ATXN3: variants seen among roughly 807,000 people sequenced by gnomAD.
ATXN3 encodes ataxin 3.
Under a neutral mutation model 58.2 loss-of-function variants are expected in ATXN3, and 28 were observed. The observed-to-expected ratio is 0.48, with a 90% CI of 0.36 to 0.66. ATXN3 has a LOEUF of 0.66. ATXN3 is among the 30% of genes least tolerant of loss of function. The probability of loss-of-function intolerance (pLI) is 0.00; values close to 1 mark genes in which losing one functional copy is unlikely to be tolerated. For synonymous variants in ATXN3, 113 were observed against 138.5 expected (o/e 0.82, Z 1.29); for missense variants, 321 against 422.1 (o/e 0.76, Z 2.10).
chr14:92,090,788 G>C (rs1215410700), intron 5 of ATXN3, among the ~76,000 whole-genome samples: 1 of 151,958 alleles, frequency 6.6e-6, no homozygotes, highest in African/African-American at 2.4e-5. Flanking sequence ...TAAAAATTCA[G>C]TGCTTACTTT....
At chr14:92,088,859 G>T in intron 5 of ATXN3, 42 bp from the exon 6 acceptor site, 2 of 1,134,822 alleles carry the variant, frequency 1.8e-6, no homozygotes, top group Non-Finnish European at 2.6e-6. Context: ...GTATATTATA[G>T]GTAATAAGGA....
At position 92,061,665 on chromosome 14, in the gene ATXN3, T is replaced by C. The variant is rs763317999; in HGVS notation, c.*2655A>G. On this transcript the variant is annotated 3_prime_UTR_variant, in exon 11 of 11. Transcript: ENST00000644486. ...CTTAGCAGGACAGTTCTTGTGAATT[T>C]AGTTGTTCCTGACTTTCTTGCAGGT... 1 of 152,250 alleles carries C rather than the reference T, an allele frequency of 6.6e-6. No individual in the cohort carries two copies. Among genetic ancestry groups the C allele is most frequent in the South Asian group, 2.1e-4 (1 of 4,838 alleles). 9.4% of individuals were successfully genotyped at this position (152,250 alleles called of 1,614,324 possible).
At chr14:92,083,866 T>G (rs2140817722) in intron 6 of ATXN3, among the ~76,000 whole-genome samples, 1 of 152,308 alleles carries the variant, frequency 6.6e-6, no homozygotes, top group South Asian at 2.1e-4. Flanking sequence ...AGCTGCCAGC[T>G]CAGCTAGAAT....
In ATXN3 at chr14:92,092,607, C is replaced by A. The variant is rs148706413; in HGVS notation, c.387+645G>T. ...TAAATGTAATAATTAACTGACAGAA[C>A]ATAGTCATCACATAAAAACCCACTT... On this transcript the variant is annotated intron_variant, in intron 5 of 10. Coordinates refer to ENST00000644486, the MANE Select transcript of ATXN3 (RefSeq NM_004993.6). Among the ~76,000 whole-genome samples, 18 of 152,194 alleles carry A rather than the reference C, an allele frequency of 1.2e-4. No homozygotes were observed. The East Asian group carries it at 3.5e-3, about 29-fold the overall frequency.
rs2057750483 is a variant in ATXN3 at position 92,061,082 on chromosome 14, G to A, written c.*3238C>T. The A allele has an allele frequency of 6.6e-6, 1 of 152,120 alleles. No homozygotes were observed. The highest frequency in any genetic ancestry group is 1.5e-5 in the Non-Finnish European group (1 of 68,024). The allele number at this position is 152,120 out of a possible 1,614,324, so 9.4% of individuals were successfully genotyped here. A position where few individuals can be genotyped will look rare whatever the true frequency, so the allele number is the denominator to read the frequency against. ...TATCAAAAATTCAGACAATCAAAAT[G>A]TGATTTAGGCTCTGACTGAAATAAA... On this transcript the variant is annotated 3_prime_UTR_variant, in exon 11 of 11. Transcript: ENST00000644486.
intron 1 of ATXN3, among the ~76,000 whole-genome samples, chr14:92,098,323 C>G (rs2065896702): frequency 6.6e-6 from 1 of 152,122 alleles, no homozygotes; most frequent in Non-Finnish European, 1.5e-5. Context: ...CATGGTGGCT[C>G]ACACCTGTAA....
At chr14:92,076,898 C>T (rs1370819149) in intron 9 of ATXN3, among the ~76,000 whole-genome samples, 1 of 146,778 alleles carries the variant, frequency 6.8e-6, no homozygotes, top group Non-Finnish European at 1.5e-5. Flanking sequence ...CGAGATCATG[C>T]CACTACACTC....
chr14:92,087,076 G>A (rs989445920), intron 6 of ATXN3, among the ~76,000 whole-genome samples: 1 of 152,222 alleles, frequency 6.6e-6, no homozygotes, highest in African/African-American at 2.4e-5. Flanking sequence ...CACAAGGAAG[G>A]TGTGTAAGGG....
rs933137703 is a variant in ATXN3 at position 92,103,707 on chromosome 14, G to C, written c.24+2822C>G. ...TCAGGCACTGCAGATATATCAGTGA[G>C]AAACTGTTTTTACATTCTAACTTAA... is the stretch of plus-strand genomic sequence containing the variant. On this transcript the variant is annotated intron_variant, in intron 1 of 10. Transcript: ENST00000644486. 2.0e-5 allele frequency among the ~76,000 whole-genome samples: 3 copies of C among 152,244 alleles called. No individual in the cohort carries two copies. In the East Asian group the frequency reaches 5.8e-4, roughly 29 times the overall value.
At chr14:92,052,145 T>G (rs999479271), upstream of ATXN3, among the ~76,000 whole-genome samples, 4 of 152,110 alleles carry the variant, frequency 2.6e-5, no homozygotes, top group Non-Finnish European at 5.9e-5. Context: ...GTATTCAGCC[T>G]CCTGGTTCTG....
chr14:92,105,984 G>A (rs2068226251), intron 1 of ATXN3, among the ~76,000 whole-genome samples: 1 of 152,178 alleles, frequency 6.6e-6, no homozygotes, highest in South Asian at 2.1e-4. Flanking sequence ...GGCGAGCCAA[G>A]GTCTCCTCCC....
intron 9 of ATXN3, among the ~76,000 whole-genome samples, chr14:92,078,412 G>C (rs1462732447): frequency 6.6e-6 from 1 of 151,628 alleles, no homozygotes; most frequent in East Asian, 1.9e-4. Flanking sequence ...GCCCAGGCTA[G>C]AGTGCAATGG....
chr14:92,069,371 C>CTTT (rs34755730), intron 10 of ATXN3, among the ~76,000 whole-genome samples: 46 of 92,564 alleles, frequency 5.0e-4, no homozygotes, highest in African/African-American at 6.0e-4. Context: ...GTGTCCAGCC[C>CTTT]TTTTTTTTTT....
intron 1 of ATXN3, among the ~76,000 whole-genome samples, chr14:92,105,673 C>T (rs926298744): frequency 1.3e-5 from 2 of 152,144 alleles, no homozygotes; most frequent in Admixed American, 6.5e-5. Context: ...TTCACTCACA[C>T]ACAAATGGCT....
intron 5 of ATXN3, among the ~76,000 whole-genome samples, chr14:92,089,577 A>T (rs2063339818): frequency 1.3e-5 from 2 of 151,932 alleles, no homozygotes; most frequent in Admixed American, 1.3e-4. Context: ...TGACCTTGTG[A>T]TCCGCCCGCC....
At chr14:92,052,928 C>A (rs1226958837), upstream of ATXN3, among the ~76,000 whole-genome samples, 5 of 152,174 alleles carry the variant, frequency 3.3e-5, no homozygotes, top group Non-Finnish European at 7.3e-5. Context: ...TCCCCTATGC[C>A]CTTTCCATTT....
chr14:92,062,525 T>C lies in ATXN3; in HGVS notation c.*1795A>G, dbSNP rs758310971. 3.9e-5 allele frequency: 6 copies of C among 152,182 alleles called. No individual in the cohort carries two copies. The highest frequency in any genetic ancestry group is 6.5e-5 in the Admixed American group (1 of 15,272). 9.4% of individuals were successfully genotyped at this position (152,182 alleles called of 1,614,324 possible). On this transcript the variant is annotated 3_prime_UTR_variant, in exon 11 of 11. Transcript: ENST00000644486. ...ACACACTGGTAATAATTAACATAAATGTTCAGTCTTAAAATATTTAGCTTT... is the reference window on the plus strand; with the variant it reads ...ACACACTGGTAATAATTAACATAAACGTTCAGTCTTAAAATATTTAGCTTT...
At chr14:92,052,387 C>T (rs2062335578), upstream of ATXN3, among the ~76,000 whole-genome samples, 2 of 151,854 alleles carry the variant, frequency 1.3e-5, no homozygotes, top group African/African-American at 4.8e-5. Context: ...GCTCGGGAGG[C>T]TGAGGCAGGA....
chr14:92,087,917 C>T (rs529025874), intron 6 of ATXN3, among the ~76,000 whole-genome samples: 16 of 151,948 alleles, frequency 1.1e-4, no homozygotes, highest in Non-Finnish European at 1.3e-4. Flanking sequence ...GATTGATTGA[C>T]GATACAGAAA....
Sources: allele counts gnomAD v4.1 joint callset (sites outside exome capture counted in the v4.1 genomes callset), GRCh38; gene constraint gnomAD v4.1.1; transcripts MANE v1.5; gene names NCBI Gene and HGNC (gene_info 2026-07-23, HGNC 2026-07-21).